Variants in AP1M1 observed in about 807,000 individuals in gnomAD.
The protein encoded by AP1M1 is adaptor related protein complex 1 subunit mu 1.
Under a neutral mutation model 57.1 loss-of-function variants are expected in AP1M1, and 18 were observed. The ratio of observed to expected loss-of-function variants is 0.32; its 90% CI spans 0.22 to 0.47. The LOEUF (loss-of-function observed/expected upper bound fraction) is 0.47, where lower values mean the gene tolerates loss of function less well. Ranked by LOEUF, AP1M1 falls within the 20% of genes least tolerant of loss-of-function variation. The pLI is 1.00. For synonymous variants in AP1M1, 241 were observed against 237.9 expected (o/e 1.01, Z -0.12); for missense variants, 362 against 593.5 (o/e 0.61, Z 4.05).
Position 16,239,239 on chromosome 19 carries a change from CTTTTTTTTTTTTTTTTTTTTTTTTTTTT to C in AP1M1, c.*4817_*4844del, listed in dbSNP as rs71178661. 2 of 39,232 alleles carry C rather than the reference CTTTTTTTTTTTTTTTTTTTTTTTTTTTT, an allele frequency of 5.1e-5. No individual in the cohort carries two copies. Among genetic ancestry groups the C allele is most frequent in the Non-Finnish European group, 1.0e-4 (2 of 19,954 alleles). The allele number at this position is 39,232 out of a possible 1,614,324, so 2.4% of individuals were successfully genotyped here. On this transcript the variant is annotated 3_prime_UTR_variant, in exon 12 of 12. Coordinates refer to ENST00000291439, the MANE Select transcript of AP1M1 (RefSeq NM_032493.4). ...TGAGCCACCGCGCCCGGCCAGTTCT[CTTTTTTTTTTTTTTTTTTTTTTTTTTTT>C]TTTTTTTTTTTTAAGACTGCAAAGC...
At position 16,238,587 on chromosome 19, in the gene AP1M1, T is replaced by C. The variant is rs2091633821; in HGVS notation, c.*4152T>C. 6.6e-6 allele frequency: 1 copy of C among 152,118 alleles called. No individual in the cohort carries two copies. Among genetic ancestry groups the C allele is most frequent in the Non-Finnish European group, 1.5e-5 (1 of 68,030 alleles). The allele number at this position is 152,118 out of a possible 1,614,324, so 9.4% of individuals were successfully genotyped here. On this transcript the variant is annotated 3_prime_UTR_variant, in exon 12 of 12. Coordinates refer to ENST00000291439, the MANE Select transcript of AP1M1 (RefSeq NM_032493.4). The stretch of plus-strand genomic sequence containing the variant: ...AAAAGTCTAACGAGATGCTTGAGAA[T>C]TTGAAAAAATTCACATCCCTGGTTA...
chr19:16,198,256 ATCCCCGCCCT>A, intron 1 of AP1M1, 188 bp downstream of exon 1: 1 of 441,212 alleles, frequency 2.3e-6, no homozygotes, highest in Non-Finnish European at 4.0e-6. Flanking sequence ...TAAGTGGGTA[ATCCCCGCCCT>A]GTTGCTACGT....
chr19:16,222,603 GTTTTTGTT>G (rs1323753350), intron 5 of AP1M1, among the ~76,000 whole-genome samples: 7 of 82,048 alleles, frequency 8.5e-5, no homozygotes, highest in East Asian at 3.6e-4. Context: ...CTTTTTGTTT[GTTTTTGTT>G]TTTGTTTTTG....
chr19:16,230,884 CA>C (rs1476606939), intron 9 of AP1M1, among the ~76,000 whole-genome samples: 1 of 151,762 alleles, frequency 6.6e-6, no homozygotes, highest in Non-Finnish European at 1.5e-5. Flanking sequence ...TCCTAAAAAC[CA>C]AAAGCAAAAT....
chr19:16,226,199 G>A (rs564122540), intron 5 of AP1M1, among the ~76,000 whole-genome samples: 40 of 152,294 alleles, frequency 2.6e-4, no homozygotes, highest in African/African-American at 9.4e-4. Context: ...AGGCTGGAGG[G>A]GTGAGCCTGG....
intron 1 of AP1M1, among the ~76,000 whole-genome samples, chr19:16,201,448 G>C (rs1445056673): frequency 1.4e-5 from 1 of 70,168 alleles, no homozygotes; most frequent in Non-Finnish European, 4.0e-5. Context: ...AGCCAAGCTG[G>C]AGTGCAATGG....
Position 16,232,901 on chromosome 19 carries a change from G to A in AP1M1, c.1048-592G>A, listed in dbSNP as rs758774513. Reference sequence around the variant, plus strand: ...AGGGTGAAGGTCACAGCCAGGACTCGGGTTCCAGTCAGAGCCACAGCCACC... The same window carrying A: ...AGGGTGAAGGTCACAGCCAGGACTCAGGTTCCAGTCAGAGCCACAGCCACC... On this transcript the variant is annotated intron_variant, in intron 9 of 11. Coordinates refer to ENST00000291439, the MANE Select transcript of AP1M1 (RefSeq NM_032493.4). 2.6e-5 allele frequency among the ~76,000 whole-genome samples: 4 copies of A among 152,290 alleles called. No homozygotes were observed. The East Asian group carries it at 7.7e-4, about 29-fold the overall frequency.
rs370338493 is a variant in AP1M1 at position 16,203,696 on chromosome 19, G to C, written c.199+81G>C. ...TGCATATCCACACGCCTGCAAGCAG[G>C]GCTGGTTTGTGCACAGCGCAAGCAT... On this transcript the variant is annotated intron_variant, in intron 2 of 11. Transcript: ENST00000291439. The surrounding 1 kb of genome is among the most constrained non-coding windows in gnomAD (Gnocchi z 4.6). 1 of 1,475,154 alleles carries C rather than the reference G, an allele frequency of 6.8e-7. No homozygotes were observed. The highest frequency in any genetic ancestry group is 1.8e-4 in the Middle Eastern group (1 of 5,512). 91.4% of individuals were successfully genotyped at this position (1,475,154 alleles called of 1,614,324 possible).
In AP1M1 at chr19:16,235,584, C is replaced by G. The variant is rs1231772651; in HGVS notation, c.*1149C>G. 1.3e-5 allele frequency: 2 copies of G among 152,394 alleles called. No individual in the cohort carries two copies. Among genetic ancestry groups the G allele is most frequent in the African/African-American group, 4.8e-5 (2 of 41,454 alleles). 9.4% of individuals were successfully genotyped at this position (152,394 alleles called of 1,614,324 possible). A position where few individuals can be genotyped will look rare whatever the true frequency, so the allele number is the denominator to read the frequency against. On this transcript the variant is annotated 3_prime_UTR_variant, in exon 12 of 12. Coordinates refer to ENST00000291439, the MANE Select transcript of AP1M1 (RefSeq NM_032493.4). ...GAGGCAGAGTCTTCTCTCATCCAATCTGCTGCACCCTCAGATGGCCAACAG... is the reference window on the plus strand; with the variant it reads ...GAGGCAGAGTCTTCTCTCATCCAATGTGCTGCACCCTCAGATGGCCAACAG...
chr19:16,225,574 T>C (rs2091567675), intron 5 of AP1M1, among the ~76,000 whole-genome samples: 1 of 152,172 alleles, frequency 6.6e-6, no homozygotes, highest in Non-Finnish European at 1.5e-5. Flanking sequence ...GGTGTGGATT[T>C]TCAGTTGCAC....
chr19:16,221,844 A>G (rs1270898445), intron 5 of AP1M1, among the ~76,000 whole-genome samples: 1 of 151,962 alleles, frequency 6.6e-6, no homozygotes, highest in Admixed American at 6.6e-5. Flanking sequence ...TCACCACCAC[A>G]CTTGGCTAAT....
At chr19:16,210,440 G>A (rs1232541026) in intron 5 of AP1M1, 12 of 715,692 alleles carry the variant, frequency 1.7e-5, no homozygotes, top group Admixed American at 4.0e-5. Flanking sequence ...AACCATTGCT[G>A]TTTTGCATTC....
chr19:16,210,026 C>T (rs1276437382), intron 5 of AP1M1, among the ~76,000 whole-genome samples: 2 of 152,200 alleles, frequency 1.3e-5, no homozygotes, highest in Non-Finnish European at 2.9e-5. Flanking sequence ...TGTTCTCCAT[C>T]ACTGGAGTCT....
At chr19:16,225,419 C>T (rs373836014) in intron 5 of AP1M1, among the ~76,000 whole-genome samples, 2 of 152,278 alleles carry the variant, frequency 1.3e-5, no homozygotes, top group South Asian at 4.1e-4. Context: ...GCAGCCCCAG[C>T]GATTCTTCTG....
In AP1M1 at chr19:16,227,949, C is replaced by G. The variant is rs1167006071; in HGVS notation, c.817-188C>G. On this transcript the variant is annotated intron_variant, in intron 7 of 11. Coordinates refer to ENST00000291439, the MANE Select transcript of AP1M1 (RefSeq NM_032493.4). This position sits in a 1 kb window ranked among gnomAD's most constrained non-coding sequence, Gnocchi z 6.2. ...TTTTCTGCATTTGCCCCAAGGCCTC[C>G]CCGGTAGCTCCCGGCTACCTCGGCC... Among the ~76,000 whole-genome samples the G allele has an allele frequency of 6.6e-6, 1 of 152,226 alleles. No individual in the cohort carries two copies.
intron 9 of AP1M1, among the ~76,000 whole-genome samples, chr19:16,233,210 A>G (rs2145144131): frequency 6.6e-6 from 1 of 152,312 alleles, no homozygotes; most frequent in Middle Eastern, 3.4e-3. Context: ...GCCACTGCAG[A>G]CCACACTGGC....
In AP1M1 at chr19:16,204,675, G is replaced by A. The variant is rs955032229; in HGVS notation, c.199+1060G>A. On this transcript the variant is annotated intron_variant, in intron 2 of 11. Transcript: ENST00000291439. ...CCCAGGCTCCACCCAGCCCTGCCCC[G>A]TCAGAATCTGCATTGTAGGAAGATT... is the stretch of plus-strand genomic sequence containing the variant. Among the ~76,000 whole-genome samples, 12 of 152,268 alleles carry A rather than the reference G, an allele frequency of 7.9e-5. No individual in the cohort carries two copies. The East Asian group carries it at 1.2e-3, about 15-fold the overall frequency.
At chr19:16,233,342 G>A in intron 9 of AP1M1, 151 bp from the exon 10 acceptor site, 1 of 1,227,966 alleles carries the variant, frequency 8.1e-7, no homozygotes, top group African/African-American at 1.5e-5. Flanking sequence ...GCAGCACAGG[G>A]CCGAGCTTTG....
At chr19:16,211,715 A>G (rs1396882719) in intron 5 of AP1M1, among the ~76,000 whole-genome samples, 2 of 151,838 alleles carry the variant, frequency 1.3e-5, no homozygotes, top group Non-Finnish European at 2.9e-5. Flanking sequence ...GTGCCACCGC[A>G]CTCCAGCCTG....
Sources: gnomAD v4.1 joint callset for allele counts (sites outside exome capture counted in the v4.1 genomes callset) on GRCh38, gnomAD v4.1.1 for gene constraint, Gnocchi (gnomAD v3.1) non-coding constraint, MANE v1.5 for transcripts, NCBI Gene and HGNC (gene_info 2026-07-23, HGNC 2026-07-21) for gene names.